The following ERFE variants were observed in gnomAD, a reference collection of about 807,000 sequenced individuals.
ERFE encodes the protein erythroferrone.
ERFE carries 25 observed loss-of-function variants against 26.6 expected under a neutral mutation model. The observed-to-expected ratio is 0.94, with a 90% CI of 0.69 to 1.31. The LOEUF is 1.31. ERFE is among the 40% of genes most tolerant of loss of function. The pLI is 0.00. For synonymous variants in ERFE, 206 were observed against 204.5 expected, an observed-to-expected ratio of 1.01 and a Z score of -0.06; for missense variants, 447 against 440.2, an observed-to-expected ratio of 1.02 and a Z score of -0.14.
Position 238,161,409 on chromosome 2 carries a change from C to T in ERFE, c.199-185C>T, listed in dbSNP as rs548617012. ...CCCGTTCCCTAGGAGTCATCCTCCA[C>T]GGGCCGGGGGAGAAGCTGTGAGGGG... On this transcript the variant is annotated intron_variant, in intron 1 of 7. Transcript: ENST00000546354. Among the ~76,000 whole-genome samples the T allele has an allele frequency of 2.3e-3, 344 of 152,314 alleles. 4 individuals carry two copies. The highest frequency in any genetic ancestry group is 3.4e-3 in the Middle Eastern group (1 of 294).
rs891162463 is a variant in ERFE at position 238,162,739 on chromosome 2, G to A, written c.325G>A (p.Gly109Ser). The A allele has an allele frequency of 7.8e-6, 12 of 1,545,342 alleles. No homozygotes were observed. The highest frequency in any genetic ancestry group is 3.6e-5 in the South Asian group (3 of 83,962). Residue 109 changes from glycine (G) to serine (S), a missense_variant, in exon 3 of 8, where the codon GGC becomes AGC. Transcript: ENST00000546354. ...CACTGCCAAGGTTCCCTTTCAGTTC[G>A]GCTTGCCAGGGCCCCCTGGGCCTCC... ...SRGKAKKLKFGLPGPPGPPGP... is the reference protein window; with the variant it reads ...SRGKAKKLKFSLPGPPGPPGP...
chr2:238,167,713 T>C lies in ERFE; in HGVS notation c.*659T>C, dbSNP rs1574771096. The C allele has an allele frequency of 2.9e-6, 1 of 339,828 alleles. No homozygotes were observed. The highest frequency in any genetic ancestry group is 7.6e-5 in the East Asian group (1 of 13,160). 21.1% of individuals were successfully genotyped at this position (339,828 alleles called of 1,614,324 possible). A position where few individuals can be genotyped will look rare whatever the true frequency, so the allele number is the denominator to read the frequency against. On this transcript the variant is annotated 3_prime_UTR_variant, in exon 8 of 8. Coordinates refer to ENST00000546354, the MANE Select transcript of ERFE (RefSeq NM_001291832.2). ...GGGGGACAGTAAGTCTGGGCCCAGC[T>C]TCTAGTTCTAATGTGTGCAAGATTA...
At chr2:238,165,163 C>T (rs1371194697) in intron 6 of ERFE, among the ~76,000 whole-genome samples, 2 of 152,280 alleles carry the variant, frequency 1.3e-5, no homozygotes, top group Non-Finnish European at 2.9e-5. Context: ...TGTCTCCCCA[C>T]ACCCAGAAGG....
At chr2:238,162,317 C>T (rs36022053) in intron 2 of ERFE, among the ~76,000 whole-genome samples, 2 of 152,256 alleles carry the variant, frequency 1.3e-5, no homozygotes, top group Admixed American at 1.3e-4. Context: ...TGGCCCTGCC[C>T]TAAGCTTCTC....
At position 238,163,981 on chromosome 2, in the gene ERFE, G is replaced by A; in HGVS notation, c.669G>A (p.Glu223=). The change falls in exon 4 of 8, where the codon GAG becomes GAA. Residue 223 remains glutamate (E), a synonymous_variant. Coordinates refer to ENST00000546354, the MANE Select transcript of ERFE (RefSeq NM_001291832.2). ...TGGTGGAGCGGCGCGCGCTGCACGA[G>A]CTTGGCGTCTACTACCTGGTGAGTG... ...DALVERRALH[E]LGVYYLPDAE... 2.2e-6 allele frequency: 3 copies of A among 1,390,798 alleles called. No individual in the cohort carries two copies. Among genetic ancestry groups the A allele is most frequent in the Non-Finnish European group, 2.8e-6 (3 of 1,079,184 alleles). 86.2% of individuals were successfully genotyped at this position (1,390,798 alleles called of 1,614,324 possible). A position where few individuals can be genotyped will look rare whatever the true frequency, so the allele number is the denominator to read the frequency against.
chr2:238,162,081 C>T (rs1692947242), intron 2 of ERFE, among the ~76,000 whole-genome samples: 1 of 152,218 alleles, frequency 6.6e-6, no homozygotes, highest in African/African-American at 2.4e-5. Context: ...CTCACTCAGC[C>T]TTAGGTCTTG....
chr2:238,162,759 G>C lies in ERFE; in HGVS notation c.345G>C (p.Gly115=). The stretch of plus-strand genomic sequence containing the variant: ...AGTTCGGCTTGCCAGGGCCCCCTGG[G>C]CCTCCCGGTCCCCAGGGCCCCCCAG... The part of the protein sequence containing the change: ...KLKFGLPGPP[G]PPGPQGPPGP... The change falls in exon 3 of 8, where the codon GGG becomes GGC. Residue 115 remains glycine (G), a synonymous_variant. Coordinates refer to ENST00000546354, the MANE Select transcript of ERFE (RefSeq NM_001291832.2). The C allele has an allele frequency of 6.5e-7, 1 of 1,549,830 alleles. No homozygotes were observed. The highest frequency in any genetic ancestry group is 8.7e-7 in the Non-Finnish European group (1 of 1,146,356).
At position 238,167,180 on chromosome 2, in the gene ERFE, C is replaced by A. The variant is rs1195877907; in HGVS notation, c.*126C>A. ...CCACCCGGAACTCTGCCCACACTGG[C>A]CACTGCAGTTCAGCCCACAGAGCCA... is the stretch of plus-strand genomic sequence containing the variant. On this transcript the variant is annotated 3_prime_UTR_variant, in exon 8 of 8. Coordinates refer to ENST00000546354, the MANE Select transcript of ERFE (RefSeq NM_001291832.2). 2.0e-6 allele frequency: 2 copies of A among 989,494 alleles called. No homozygotes were observed. Among genetic ancestry groups the A allele is most frequent in the African/African-American group, 3.2e-5 (2 of 62,548 alleles). 61.3% of individuals were successfully genotyped at this position (989,494 alleles called of 1,614,324 possible). A position where few individuals can be genotyped will look rare whatever the true frequency, so the allele number is the denominator to read the frequency against.
Position 238,163,774 on chromosome 2 carries a change from C to G in ERFE, c.462C>G (p.Pro154=), listed in dbSNP as rs1216439160. Residue 154 remains proline (P), a synonymous_variant, in exon 4 of 8, where the codon CCC becomes CCG. Transcript: ENST00000546354. ...VRQRERAEPE[P]CTCGPAGPVA... ...AGCGGGAGCGCGCGGAGCCCGAACC[C>G]TGTACGTGTGGCCCCGCCGGGCCGG... The G allele has an allele frequency of 7.3e-7, 1 of 1,365,006 alleles. No individual in the cohort carries two copies. Among genetic ancestry groups the G allele is most frequent in the African/African-American group, 1.5e-5 (1 of 65,578 alleles). The allele number at this position is 1,365,006 out of a possible 1,614,324, so 84.6% of individuals were successfully genotyped here.
intron 6 of ERFE, 78 bp from the exon 7 acceptor site, chr2:238,165,528 C>A: frequency 2.4e-6 from 3 of 1,254,092 alleles, no homozygotes; most frequent in African/African-American, 1.5e-5. Flanking sequence ...GTGTTGGCTG[C>A]TGGCAGGATT....
At chr2:238,162,417 T>G (rs1024036819) in intron 2 of ERFE, among the ~76,000 whole-genome samples, 3 of 152,090 alleles carry the variant, frequency 2.0e-5, no homozygotes, top group African/African-American at 2.4e-5. Flanking sequence ...GTGCAGACCC[T>G]GAGATGCAAG....
intron 6 of ERFE, 101 bp downstream of exon 6, chr2:238,164,461 C>T: frequency 8.2e-7 from 1 of 1,219,982 alleles, no homozygotes; most frequent in Non-Finnish European, 1.2e-6. Context: ...CCCGTTCACA[C>T]CCCACCGTGG....
At chr2:238,160,328 C>T (rs1027233987) in intron 1 of ERFE, among the ~76,000 whole-genome samples, 1 of 152,226 alleles carries the variant, frequency 6.6e-6, no homozygotes, top group African/African-American at 2.4e-5. Flanking sequence ...ACAGCTCTAC[C>T]TGCAAACCAC....
chr2:238,168,655 C>T lies in ERFE; in HGVS notation c.*1601C>T. On this transcript the variant is annotated 3_prime_UTR_variant, in exon 8 of 8. Transcript: ENST00000546354. The stretch of plus-strand genomic sequence containing the variant: ...CGATTCTCAGTAGGACTCACACCCA[C>T]CCTACCTAGAAGTACTGGGCTGGCC... 1 of 355,488 alleles carries T rather than the reference C, an allele frequency of 2.8e-6. No individual in the cohort carries two copies. The highest frequency in any genetic ancestry group is 5.6e-6 in the Non-Finnish European group (1 of 177,372). 22.0% of individuals were successfully genotyped at this position (355,488 alleles called of 1,614,324 possible).
intron 1 of ERFE, among the ~76,000 whole-genome samples, chr2:238,160,865 T>G (rs1255589423): frequency 6.6e-6 from 1 of 152,178 alleles, no homozygotes; most frequent in Non-Finnish European, 1.5e-5. Context: ...GGAGCCCAGA[T>G]AGCCCAAGGC....
Position 238,163,860 on chromosome 2 carries a change from G to A in ERFE, c.548G>A (p.Gly183Glu). 7.6e-7 allele frequency: 1 copy of A among 1,320,646 alleles called. No homozygotes were observed. The highest frequency in any genetic ancestry group is 2.2e-5 in the South Asian group (1 of 46,144). The allele number at this position is 1,320,646 out of a possible 1,614,324, so 81.8% of individuals were successfully genotyped here. The change falls in exon 4 of 8, where the codon GGG becomes GAG. Residue 183 changes from glycine to glutamate, a missense_variant. By Grantham distance (98) the Gly-to-Glu change is moderately conservative. Coordinates refer to ENST00000546354, the MANE Select transcript of ERFE (RefSeq NM_001291832.2). ...GGGGAGGACGACGACGACGTGGTGGGGGACGTGCTGGCACTGCTGGCCGCG... is the reference window on the plus strand; with the variant it reads ...GGGGAGGACGACGACGACGTGGTGGAGGACGTGCTGGCACTGCTGGCCGCG... Reference protein sequence around the residue: ...TAGEDDDDVVGDVLALLAAPL... With the variant: ...TAGEDDDDVVEDVLALLAAPL...
intron 3 of ERFE, 110 bp downstream of exon 3, chr2:238,162,948 G>A (rs1480844196): frequency 4.5e-5 from 36 of 792,562 alleles, no homozygotes; most frequent in Non-Finnish European, 6.9e-5. Context: ...GGCACCCAAG[G>A]AGGCACCTGC....
intron 1 of ERFE, among the ~76,000 whole-genome samples, chr2:238,160,009 G>A (rs1475198799): frequency 3.9e-5 from 6 of 152,180 alleles, no homozygotes; most frequent in South Asian, 4.1e-4. Flanking sequence ...TCTCTATCCC[G>A]GCCCCATCAC....
At chr2:238,161,527 A>T in intron 1 of ERFE, 67 bp from the exon 2 acceptor site, 2 of 1,463,134 alleles carry the variant, frequency 1.4e-6, no homozygotes, top group Non-Finnish European at 1.8e-6. Flanking sequence ...ACCTCCTGCA[A>T]AGTGTCCCAC....
Sources: allele counts gnomAD v4.1 joint callset (sites outside exome capture counted in the v4.1 genomes callset), GRCh38; gene constraint gnomAD v4.1.1; transcripts MANE v1.5; gene names NCBI Gene and HGNC (gene_info 2026-07-23, HGNC 2026-07-21).